Variants in SPTB observed in about 807,000 individuals in gnomAD.
SPTB encodes the protein spectrin beta, erythrocytic.
SPTB carries 45 observed loss-of-function variants against 256.2 expected under a neutral mutation model. The observed-to-expected ratio is 0.18, with a 90% CI of 0.14 to 0.23. The LOEUF is 0.23. Among genes scored for constraint, SPTB ranks in the 10% least tolerant of loss-of-function variants. The pLI is 1.00. For synonymous variants in SPTB, 1,231 were observed against 1,243.1 expected, an observed-to-expected ratio of 0.99 and a Z score of 0.21; for missense variants, 2,715 against 3,040.4, an observed-to-expected ratio of 0.89 and a Z score of 2.52.
Position 64,790,317 on chromosome 14 carries a change from G to A in SPTB, c.2804+1402C>T, listed in dbSNP as rs1275112443. On this transcript the variant is annotated intron_variant, in intron 15 of 35. Transcript: ENST00000644917. This position sits in a 1 kb window ranked among gnomAD's most constrained non-coding sequence, Gnocchi z 4.8. ...TAAAGATCAACATTCTCAGACTATA[G>A]TTTATTGTTGAGCTGATGAGTTCTT... Among the ~76,000 whole-genome samples the A allele has an allele frequency of 1.3e-5, 2 of 152,056 alleles. No homozygotes were observed. Among genetic ancestry groups the A allele is most frequent in the Non-Finnish European group, 2.9e-5 (2 of 68,008 alleles).
chr14:64,798,323 C>T (rs2082815628), intron 9 of SPTB, among the ~76,000 whole-genome samples: 1 of 152,212 alleles, frequency 6.6e-6, no homozygotes, highest in African/African-American at 2.4e-5. Flanking sequence ...AAACAGCTTT[C>T]ACCCAGGTCC....
rs1196997916 is a variant in SPTB, at chr14:64,841,033, C to T, written c.-51-17888G>A. On this transcript the variant is annotated intron_variant, in intron 1 of 35. Transcript: ENST00000644917. The surrounding 1 kb of genome is among the most constrained non-coding windows in gnomAD (Gnocchi z 4.6). ...TTTCTCTGTGCTCCAGTTTCCTCAC[C>T]CAGTTAAAAGTAAATTTCTCCAGCT... Among the ~76,000 whole-genome samples, 1 of 152,142 alleles carries T rather than the reference C, an allele frequency of 6.6e-6. No individual in the cohort carries two copies. The highest frequency in any genetic ancestry group is 1.5e-5 in the Non-Finnish European group (1 of 68,036).
At chr14:64,843,641 T>C (rs1276596571) in intron 1 of SPTB, among the ~76,000 whole-genome samples, 2 of 152,210 alleles carry the variant, frequency 1.3e-5, no homozygotes, top group Non-Finnish European at 2.9e-5. Flanking sequence ...GCTTTAGTCT[T>C]GCTCTGGCGG....
intron 32 of SPTB, among the ~76,000 whole-genome samples, chr14:64,761,011 C>T (rs961373616): frequency 6.6e-6 from 1 of 152,206 alleles, no homozygotes; most frequent in African/African-American, 2.4e-5. Context: ...AAACACATGG[C>T]TGATTGACAG....
rs1287025390 is a variant in SPTB, at chr14:64,764,178, G to A, written c.6345+2548C>T. On this transcript the variant is annotated intron_variant, in intron 32 of 35. Transcript: ENST00000644917. This position sits in a 1 kb window ranked among gnomAD's most constrained non-coding sequence, Gnocchi z 4.2. The stretch of plus-strand genomic sequence containing the variant: ...GGCCATCCCTTCCTGGGAGAGGCCT[G>A]CGGTTCTGTGAAGGGGTAGTTCCAG... 6.6e-6 allele frequency among the ~76,000 whole-genome samples: 1 copy of A among 152,204 alleles called. No individual in the cohort carries two copies. The highest frequency in any genetic ancestry group is 1.5e-5 in the Non-Finnish European group (1 of 68,034).
At position 64,772,316 on chromosome 14, in the gene SPTB, C is replaced by A. The variant is rs550398596; in HGVS notation, c.5553+264G>T. On this transcript the variant is annotated intron_variant, in intron 26 of 35. Transcript: ENST00000644917. The surrounding 1 kb of genome is among the most constrained non-coding windows in gnomAD (Gnocchi z 5.4). ...TAGAAAAGTGCTGTGCGTGTGTCCA[C>A]TAATAGTACTGCACAACTGGAGAAA... Among the ~76,000 whole-genome samples the A allele has an allele frequency of 1.1e-3, 165 of 152,320 alleles. 1 individual carries two copies. Among genetic ancestry groups the A allele is most frequent in the Admixed American group, 4.1e-3 (63 of 15,296 alleles).
rs146911028 is a variant in SPTB, at chr14:64,786,961, G to C, written c.3004C>G (p.Arg1002Gly). 18 of 1,613,918 alleles carry C rather than the reference G, an allele frequency of 1.1e-5. No homozygotes were observed. The East Asian group carries it at 1.6e-4, about 14-fold the overall frequency. Residue 1002 changes from arginine (R) to glycine (G), a missense_variant, in exon 16 of 36, where the codon CGT becomes GGT. Around this residue, in one of 4 missense-constraint regions of SPTB, gnomAD observed 2,239 missense variants for 2,384.4 expected, o/e 0.94. Coordinates refer to ENST00000644917, the MANE Select transcript of SPTB (RefSeq NM_001355436.2). The surrounding 1 kb of genome is among the most constrained non-coding windows in gnomAD (Gnocchi z 5.6). ...AIQRKLSGLE[R>G]DVAAIQARVD... Reference sequence around the variant, plus strand: ...CGGGCCTGGATGGCGGCCACGTCACGCTCCAGCCCTGACAACTTCCTCTGG... The same window carrying C: ...CGGGCCTGGATGGCGGCCACGTCACCCTCCAGCCCTGACAACTTCCTCTGG...
intron 1 of SPTB, among the ~76,000 whole-genome samples, chr14:64,843,849 A>T (rs1010017078): frequency 1.3e-5 from 2 of 152,160 alleles, no homozygotes; most frequent in African/African-American, 2.4e-5. Context: ...TCTGTGCTCA[A>T]TGCAGAATTT....
chr14:64,804,956 G>T lies in SPTB; in HGVS notation c.283C>A (p.Leu95Ile). 1 of 1,614,180 alleles carries T rather than the reference G, an allele frequency of 6.2e-7. No individual in the cohort carries two copies. ...GRMLIKLLEV[L>I]SGEMLPKPTK... ...GACTTTACCAGCATCTCTCCAGAGA[G>T]CACCTCCAGCAGCTTGATGAGCATG... The change falls in exon 3 of 36, where the codon CTC becomes ATC. Residue 95 changes from leucine (L) to isoleucine (I), a missense_variant. Transcript: ENST00000644917.
rs1053720146 is a variant in SPTB, at chr14:64,847,023, C to T, written c.-51-23878G>A. Among the ~76,000 whole-genome samples, 5 of 152,170 alleles carry T rather than the reference C, an allele frequency of 3.3e-5. No homozygotes were observed. The highest frequency in any genetic ancestry group is 1.2e-4 in the African/African-American group (5 of 41,432). On this transcript the variant is annotated intron_variant, in intron 1 of 35. Transcript: ENST00000644917. This position sits in a 1 kb window ranked among gnomAD's most constrained non-coding sequence, Gnocchi z 5.9. ...AAGCTATCAGAAGCCAGTCGCCCAC[C>T]CATACTGCCTCCATCCTCATGTTTC...
In SPTB at chr14:64,785,526, T is replaced by G; in HGVS notation, c.3855+11A>C. ...CTCCAGGAAAGCAGCCACTCCTTGCTGGAGCCTCACCTCCTGGCAGTTCTG... is the reference window on the plus strand; with the variant it reads ...CTCCAGGAAAGCAGCCACTCCTTGCGGGAGCCTCACCTCCTGGCAGTTCTG... On this transcript the variant is annotated intron_variant, in intron 18 of 35. Coordinates refer to ENST00000644917, the MANE Select transcript of SPTB (RefSeq NM_001355436.2). This position sits in a 1 kb window ranked among gnomAD's most constrained non-coding sequence, Gnocchi z 4.4. 1 of 1,609,616 alleles carries G rather than the reference T, an allele frequency of 6.2e-7. No individual in the cohort carries two copies. The highest frequency in any genetic ancestry group is 1.7e-5 in the Admixed American group (1 of 59,340).
intron 2 of SPTB, among the ~76,000 whole-genome samples, chr14:64,811,054 C>T (rs936970759): frequency 6.0e-5 from 9 of 151,022 alleles, no homozygotes; most frequent in Non-Finnish European, 1.0e-4. Flanking sequence ...TTGAGGCTGT[C>T]GTGAGCTATG....
Position 64,827,857 on chromosome 14 carries a change from C to T in SPTB, c.-51-4712G>A, listed in dbSNP as rs2083397530. On this transcript the variant is annotated intron_variant, in intron 1 of 35. Transcript: ENST00000644917. The surrounding 1 kb of genome is among the most constrained non-coding windows in gnomAD (Gnocchi z 4.6). Reference sequence around the variant, plus strand: ...TGGCTAAGACTGAGCATGGGGCTACCAGGACAGCAGAACCAGGGAGTTTCA... The same window carrying T: ...TGGCTAAGACTGAGCATGGGGCTACTAGGACAGCAGAACCAGGGAGTTTCA... Among the ~76,000 whole-genome samples the T allele has an allele frequency of 6.6e-6, 1 of 152,114 alleles. No individual in the cohort carries two copies. Among genetic ancestry groups the T allele is most frequent in the South Asian group, 2.1e-4 (1 of 4,824 alleles).
At chr14:64,830,727 TGA>T (rs1438140331) in intron 1 of SPTB, among the ~76,000 whole-genome samples, 1 of 152,138 alleles carries the variant, frequency 6.6e-6, no homozygotes, top group African/African-American at 2.4e-5. Context: ...CCCCTCATGC[TGA>T]CACACCCCTA....
chr14:64,851,902 G>A (rs1351027593), intron 1 of SPTB, among the ~76,000 whole-genome samples: 1 of 152,102 alleles, frequency 6.6e-6, no homozygotes, highest in Non-Finnish European at 1.5e-5. Flanking sequence ...AGGAAAAATA[G>A]CTAATGCGTG....
chr14:64,873,549 C>T lies in SPTB; in HGVS notation c.-52+6243G>A, dbSNP rs1170573889. ...GCTACTGAGAATCCATTAATTCATG[C>T]TTTGGAACAGCATCTGTGCATACTC... On this transcript the variant is annotated intron_variant, in intron 1 of 35. Transcript: ENST00000644917. The surrounding 1 kb of genome is among the most constrained non-coding windows in gnomAD (Gnocchi z 4.3). Among the ~76,000 whole-genome samples the T allele has an allele frequency of 2.0e-5, 3 of 152,170 alleles. No homozygotes were observed. The highest frequency in any genetic ancestry group is 7.2e-5 in the African/African-American group (3 of 41,424).
At position 64,795,239 on chromosome 14, in the gene SPTB, G is replaced by A; in HGVS notation, c.1644+98C>T. The A allele has an allele frequency of 7.2e-7, 1 of 1,386,066 alleles. No individual in the cohort carries two copies. The highest frequency in any genetic ancestry group is 9.9e-7 in the Non-Finnish European group (1 of 1,007,486). The allele number at this position is 1,386,066 out of a possible 1,614,324, so 85.9% of individuals were successfully genotyped here. ...TCTATTTTGACTCAGAGATATGACT[G>A]GCTGGGAGGTGTCTAAGGAAGCCTA... On this transcript the variant is annotated intron_variant, in intron 12 of 35. Transcript: ENST00000644917. This position sits in a 1 kb window ranked among gnomAD's most constrained non-coding sequence, Gnocchi z 6.5.
Position 64,767,429 on chromosome 14 carries a change from C to T in SPTB, c.6220-77G>A, listed in dbSNP as rs544554966. ...TTCTCAGACGATCTCCCTCTGGATG[C>T]GGCCCTGCACCCCCACATGCCCTGA... is the stretch of plus-strand genomic sequence containing the variant. On this transcript the variant is annotated intron_variant, in intron 30 of 35. Transcript: ENST00000644917. The T allele has an allele frequency of 1.3e-4, 206 of 1,583,420 alleles. No individual in the cohort carries two copies. In the South Asian group the frequency reaches 1.7e-3, roughly 13 times the overall value.
chr14:64,863,044 C>T (rs1036813762), intron 1 of SPTB, among the ~76,000 whole-genome samples: 1 of 152,144 alleles, frequency 6.6e-6, no homozygotes, highest in African/African-American at 2.4e-5. Flanking sequence ...CACCACCTCC[C>T]TTCCATTCCT....
Sources: allele counts gnomAD v4.1 joint callset (sites outside exome capture counted in the v4.1 genomes callset), GRCh38; gene constraint gnomAD v4.1.1; regional missense constraint gnomAD v4.1.1; non-coding constraint Gnocchi (gnomAD v3.1); transcripts MANE v1.5; gene names NCBI Gene and HGNC (gene_info 2026-07-23, HGNC 2026-07-21).